Variants in PCDH9 observed in about 807,000 individuals in gnomAD.
The protein encoded by PCDH9 is protocadherin 9.
PCDH9 carries 24 observed loss-of-function variants against 70.6 expected under a neutral mutation model. The ratio of observed to expected loss-of-function variants is 0.34; its 90% CI spans 0.25 to 0.48. PCDH9 has a LOEUF of 0.48. Among genes scored for constraint, PCDH9 ranks in the 20% least tolerant of loss-of-function variants. The pLI is 0.99. For synonymous variants in PCDH9, 562 were observed against 558.5 expected, an observed-to-expected ratio of 1.01 and a Z score of -0.09; for missense variants, 1,281 against 1,503.6, an observed-to-expected ratio of 0.85 and a Z score of 2.45.
chr13:66,615,590 C>T (rs1311786299), intron 4 of PCDH9, among the ~76,000 whole-genome samples: 2 of 152,164 alleles, frequency 1.3e-5, no homozygotes, highest in Non-Finnish European at 2.9e-5. Flanking sequence ...CAAATACAGG[C>T]TTCTGATAAC....
chr13:66,680,173 A>AG (rs1355094895), intron 3 of PCDH9, among the ~76,000 whole-genome samples: 1 of 151,948 alleles, frequency 6.6e-6, no homozygotes, highest in African/African-American at 2.4e-5. Flanking sequence ...TCAGTTTTAT[A>AG]TTGTGTCTAT....
intron 2 of PCDH9, among the ~76,000 whole-genome samples, chr13:67,136,074 C>T (rs181484215): frequency 6.6e-6 from 1 of 152,262 alleles, no homozygotes; most frequent in Non-Finnish European, 1.5e-5. Context: ...GCATATCTGA[C>T]AGTGGTTGCT....
At chr13:66,905,235 C>A (rs146812044) in intron 2 of PCDH9, among the ~76,000 whole-genome samples, 70 of 151,874 alleles carry the variant, frequency 4.6e-4, no homozygotes, top group East Asian at 4.4e-3. Flanking sequence ...TCTGTGATGT[C>A]CATAGACATT....
At chr13:66,672,885 C>T (rs2078195908) in intron 3 of PCDH9, among the ~76,000 whole-genome samples, 1 of 152,118 alleles carries the variant, frequency 6.6e-6, no homozygotes, top group Non-Finnish European at 1.5e-5. Context: ...TGCCTGTATT[C>T]CCATTGTATC....
intron 3 of PCDH9, among the ~76,000 whole-genome samples, chr13:66,880,994 A>G (rs1349514887): frequency 6.6e-6 from 1 of 152,206 alleles, no homozygotes; most frequent in Non-Finnish European, 1.5e-5. Flanking sequence ...TCTCCTGGGT[A>G]AAAAATGAAA....
At chr13:66,313,980 C>T (rs1236897050) in intron 4 of PCDH9, among the ~76,000 whole-genome samples, 4 of 152,128 alleles carry the variant, frequency 2.6e-5, no homozygotes, top group African/African-American at 9.7e-5. Context: ...TGTAGGTATA[C>T]GCGTGTGTAT....
chr13:67,126,848 CAAAAT>C (rs1037234120), intron 2 of PCDH9, among the ~76,000 whole-genome samples: 1 of 151,906 alleles, frequency 6.6e-6, no homozygotes, highest in Admixed American at 6.6e-5. Flanking sequence ...GACTCCATCT[CAAAAT>C]AAAATAAAAT....
intron 3 of PCDH9, among the ~76,000 whole-genome samples, chr13:66,646,527 AC>A (rs1434415782): frequency 2.0e-5 from 3 of 152,186 alleles, no homozygotes; most frequent in African/African-American, 7.2e-5. Flanking sequence ...ATAATCAGAA[AC>A]TATTTTTTCC....
chr13:66,816,893 T>G (rs2080615266), intron 3 of PCDH9, among the ~76,000 whole-genome samples: 1 of 151,664 alleles, frequency 6.6e-6, no homozygotes, highest in African/African-American at 2.4e-5. Flanking sequence ...TTGATGGTAT[T>G]GCATGTTTAA....
At chr13:66,633,471 G>A (rs934457418) in intron 3 of PCDH9, among the ~76,000 whole-genome samples, 1 of 152,040 alleles carries the variant, frequency 6.6e-6, no homozygotes, top group Non-Finnish European at 1.5e-5. Context: ...ACAAATATTA[G>A]CCATTTATGT....
intron 3 of PCDH9, among the ~76,000 whole-genome samples, chr13:66,768,798 C>T (rs1159776189): frequency 6.6e-6 from 1 of 151,996 alleles, no homozygotes; most frequent in Non-Finnish European, 1.5e-5. Context: ...CACTGTGGAT[C>T]AGATGTCTTC....
rs118190184 is a variant in PCDH9 at position 66,725,570 on chromosome 13, G to T, written c.3139-94159C>A. 1.2e-4 allele frequency among the ~76,000 whole-genome samples: 19 copies of T among 152,284 alleles called. No homozygotes were observed. The East Asian group carries it at 3.1e-3, about 25-fold the overall frequency. ...GATAGGTACTTTTCAATGGCTAGAGGATGTTCTAGGATAGAGTGTGATTTT... is the reference window on the plus strand; with the variant it reads ...GATAGGTACTTTTCAATGGCTAGAGTATGTTCTAGGATAGAGTGTGATTTT... On this transcript the variant is annotated intron_variant, in intron 3 of 4. Coordinates refer to ENST00000377865, the MANE Select transcript of PCDH9 (RefSeq NM_203487.3).
chr13:66,350,252 A>G (rs770956185), intron 4 of PCDH9, among the ~76,000 whole-genome samples: 2 of 152,216 alleles, frequency 1.3e-5, no homozygotes, highest in Non-Finnish European at 2.9e-5. Context: ...CTGACTCCCC[A>G]GTGCTTAGTA....
At chr13:67,225,364 T>C (rs1441833432) in intron 2 of PCDH9, 41 bp downstream of exon 2, 1 of 1,586,412 alleles carries the variant, frequency 6.3e-7, no homozygotes. Context: ...GACTGGGCAC[T>C]TGTATGCAGT....
chr13:66,722,358 T>C (rs1006678446), intron 3 of PCDH9, among the ~76,000 whole-genome samples: 15 of 152,208 alleles, frequency 9.9e-5, no homozygotes, highest in Non-Finnish European at 1.2e-4. Flanking sequence ...ATGAGGTATG[T>C]ACTGTATCTC....
chr13:66,417,134 A>G (rs923039906), intron 4 of PCDH9, among the ~76,000 whole-genome samples: 2 of 152,228 alleles, frequency 1.3e-5, no homozygotes, highest in South Asian at 4.1e-4. Flanking sequence ...CCAGCAACCC[A>G]TCATCTACCT....
intron 2 of PCDH9, among the ~76,000 whole-genome samples, chr13:66,950,347 A>G (rs2083159442): frequency 6.6e-6 from 1 of 152,144 alleles, no homozygotes; most frequent in African/African-American, 2.4e-5. Flanking sequence ...AGCTTATTCA[A>G]TCTTCAGAAA....
intron 3 of PCDH9, among the ~76,000 whole-genome samples, chr13:66,861,410 T>A (rs2139480455): frequency 6.6e-6 from 1 of 152,296 alleles, no homozygotes; most frequent in Non-Finnish European, 1.5e-5. Context: ...AAATATTTTG[T>A]CACACATTAT....
At chr13:66,764,848 T>C (rs188075838) in intron 3 of PCDH9, among the ~76,000 whole-genome samples, 2 of 152,150 alleles carry the variant, frequency 1.3e-5, no homozygotes, top group East Asian at 3.9e-4. Flanking sequence ...ATCAGAACTC[T>C]GAAATAGCGC....
Sources: allele counts gnomAD v4.1 joint callset (sites outside exome capture counted in the v4.1 genomes callset), GRCh38; gene constraint gnomAD v4.1.1; transcripts MANE v1.5; gene names NCBI Gene and HGNC (gene_info 2026-07-23, HGNC 2026-07-21).